Variants in ZFHX3 observed in about 807,000 individuals in gnomAD.
ZFHX3 encodes zinc finger homeobox protein 3.
Under a neutral mutation model 279.1 loss-of-function variants are expected in ZFHX3, and 42 were observed. That is an observed-to-expected ratio of 0.15 (90% confidence interval 0.12 to 0.19). ZFHX3 has a LOEUF of 0.19. Among genes scored for constraint, ZFHX3 ranks in the 10% least tolerant of loss-of-function variants. The pLI, the probability that ZFHX3 is intolerant of heterozygous loss-of-function variation, is 1.00. For synonymous variants in ZFHX3, 2,293 were observed against 1,957.8 expected, an observed-to-expected ratio of 1.17 and a Z score of -4.52; for missense variants, 4,981 against 4,754.0, an observed-to-expected ratio of 1.05 and a Z score of -1.40.
At chr16:73,128,642 GAGA>G (rs1422255601) in intron 7 of ZFHX3, among the ~76,000 whole-genome samples, 1 of 152,148 alleles carries the variant, frequency 6.6e-6, no homozygotes, top group Non-Finnish European at 1.5e-5. Context: ...TATATGGAAG[GAGA>G]AGAAGAAAAG....
At chr16:73,277,098 G>A (rs1383137375) in intron 4 of ZFHX3, among the ~76,000 whole-genome samples, 1 of 152,208 alleles carries the variant, frequency 6.6e-6, no homozygotes, top group African/African-American at 2.4e-5. Flanking sequence ...TAAGAGGAGT[G>A]ATTCTGCCTC....
intron 5 of ZFHX3, among the ~76,000 whole-genome samples, chr16:73,218,786 A>G (rs2012302632): frequency 6.6e-6 from 1 of 152,184 alleles, no homozygotes; most frequent in African/African-American, 2.4e-5. Context: ...AAATAAATAA[A>G]AAAGTAAACA....
At chr16:72,974,361 G>A (rs1435982206) in intron 1 of ZFHX3, among the ~76,000 whole-genome samples, 1 of 152,208 alleles carries the variant, frequency 6.6e-6, no homozygotes, top group African/African-American at 2.4e-5. Context: ...CTGTAAGGGT[G>A]AGGTGAGAGC....
chr16:72,953,298 G>GAA (rs11369582), intron 2 of ZFHX3, among the ~76,000 whole-genome samples: 125 of 138,240 alleles, frequency 9.0e-4, no homozygotes, highest in African/African-American at 2.5e-3. Flanking sequence ...AAAGGAAAAA[G>GAA]AAAAAAAAAA....
intron 2 of ZFHX3, among the ~76,000 whole-genome samples, chr16:73,519,165 C>T (rs1230399920): frequency 6.6e-6 from 1 of 151,918 alleles, no homozygotes; most frequent in Non-Finnish European, 1.5e-5. Flanking sequence ...GAATTTTCTC[C>T]AGTATTTCTA....
intron 5 of ZFHX3, among the ~76,000 whole-genome samples, chr16:73,178,375 G>A (rs1597205652): frequency 6.6e-6 from 1 of 152,280 alleles, no homozygotes; most frequent in East Asian, 1.9e-4. Context: ...CTGACCTCAA[G>A]TGATCCGCCT....
At chr16:73,770,489 A>C (rs190209767) in intron 1 of ZFHX3, among the ~76,000 whole-genome samples, 111 of 152,322 alleles carry the variant, frequency 7.3e-4, no homozygotes, top group Non-Finnish European at 1.1e-3. Context: ...AGAAATGAAA[A>C]CACCACATTT....
intron 1 of ZFHX3, among the ~76,000 whole-genome samples, chr16:73,001,533 C>T (rs1406027841): frequency 1.3e-5 from 2 of 152,072 alleles, no homozygotes; most frequent in African/African-American, 4.8e-5. Flanking sequence ...ATAATGGAGG[C>T]CAGGAGTGCT....
chr16:73,295,098 T>G (rs1264055385), intron 4 of ZFHX3, among the ~76,000 whole-genome samples: 2 of 151,100 alleles, frequency 1.3e-5, no homozygotes, highest in Non-Finnish European at 3.0e-5. Context: ...GCCTGTAGTC[T>G]CAGCTACTAG....
chr16:72,978,640 C>G (rs1475743784), intron 1 of ZFHX3, among the ~76,000 whole-genome samples: 1 of 152,222 alleles, frequency 6.6e-6, no homozygotes, highest in African/African-American at 2.4e-5. Context: ...GGGTGGGAGA[C>G]ATCGTTGGAC....
At chr16:73,881,746 G>A (rs986624164) in intron 1 of ZFHX3, among the ~76,000 whole-genome samples, 20 of 151,938 alleles carry the variant, frequency 1.3e-4, no homozygotes, top group South Asian at 4.2e-4. Context: ...GTGTGTGTGC[G>A]TATGTATATA....
intron 1 of ZFHX3, among the ~76,000 whole-genome samples, chr16:73,757,798 G>T (rs746554249): frequency 6.6e-6 from 1 of 152,180 alleles, no homozygotes; most frequent in African/African-American, 2.4e-5. Context: ...GTCTCAAGGT[G>T]GATGTGACAA....
intron 2 of ZFHX3, among the ~76,000 whole-genome samples, chr16:72,954,471 A>G (rs1961151492): frequency 6.6e-6 from 1 of 152,166 alleles, no homozygotes; most frequent in African/African-American, 2.4e-5. Flanking sequence ...TATGCACCTA[A>G]CTCTAACACT....
At chr16:73,475,162 A>AT (rs1388001765) in intron 2 of ZFHX3, among the ~76,000 whole-genome samples, 2 of 152,212 alleles carry the variant, frequency 1.3e-5, no homozygotes, top group Non-Finnish European at 2.9e-5. Flanking sequence ...CCACTCTCAC[A>AT]TTTTTGAGAA....
At chr16:73,379,649 C>A (rs969323579) in intron 3 of ZFHX3, among the ~76,000 whole-genome samples, 21 of 152,252 alleles carry the variant, frequency 1.4e-4, no homozygotes, top group African/African-American at 5.1e-4. Flanking sequence ...AGGAAGAGGA[C>A]CCTGCTGGTC....
intron 7 of ZFHX3, among the ~76,000 whole-genome samples, chr16:73,110,340 A>G (rs1379958261): frequency 6.6e-6 from 1 of 152,238 alleles, no homozygotes; most frequent in Non-Finnish European, 1.5e-5. Flanking sequence ...AAACAGTAGT[A>G]TCTGAGTATG....
At chr16:73,022,873 A>AT (rs886531072) in intron 1 of ZFHX3, among the ~76,000 whole-genome samples, 107 of 149,656 alleles carry the variant, frequency 7.1e-4, no homozygotes, top group African/African-American at 2.4e-3. Context: ...AAATCCCCCG[A>AT]TTTTTTTTTT....
chr16:73,269,755 A>AT (rs558677879), intron 4 of ZFHX3, among the ~76,000 whole-genome samples: 3,635 of 145,572 alleles, frequency 0.025, 102 homozygotes, highest in African/African-American at 0.071. Context: ...GCTTTTCTTT[A>AT]TTTTTTTTTT....
chr16:73,627,248 C>G (rs2052425720), intron 2 of ZFHX3, among the ~76,000 whole-genome samples: 6 of 152,152 alleles, frequency 3.9e-5, no homozygotes, highest in Admixed American at 3.9e-4. Flanking sequence ...ATTGTTAGAA[C>G]TTGGGGACAG....
Sources: allele counts gnomAD v4.1 joint callset (sites outside exome capture counted in the v4.1 genomes callset), GRCh38; gene constraint gnomAD v4.1.1; transcripts MANE v1.5; gene names NCBI Gene and HGNC (gene_info 2026-07-23, HGNC 2026-07-21).